Variants in XRCC2 observed in about 807,000 individuals in gnomAD.
XRCC2 encodes DNA repair protein XRCC2.
A neutral mutation model predicts 27.3 loss-of-function variants in XRCC2; 24 were observed. That is an observed-to-expected ratio of 0.88 (90% CI 0.64 to 1.24). The LOEUF (loss-of-function observed/expected upper bound fraction) is 1.24, where lower values mean the gene tolerates loss of function less well. Among genes scored for constraint, XRCC2 ranks in the 50% most tolerant of loss-of-function variants. The probability of loss-of-function intolerance (pLI) is 0.00; values close to 1 mark genes in which losing one functional copy is unlikely to be tolerated. For missense variants in XRCC2, 321 were observed against 325.8 expected, an observed-to-expected ratio of 0.99 and a Z score of 0.11; for synonymous variants, 106 against 115.4, an observed-to-expected ratio of 0.92 and a Z score of 0.52.
At chr7:152,667,437 A>G (rs1327176078) in intron 1 of XRCC2, among the ~76,000 whole-genome samples, 2 of 146,930 alleles carry the variant, frequency 1.4e-5, no homozygotes, top group East Asian at 2.0e-4. Flanking sequence ...GAAAAAAAGT[A>G]TTATAATTTT....
At chr7:152,668,347 G>A (rs1363352698) in intron 1 of XRCC2, among the ~76,000 whole-genome samples, 2 of 152,080 alleles carry the variant, frequency 1.3e-5, no homozygotes, top group Admixed American at 1.3e-4. Context: ...ACTATCTGTG[G>A]TTTCAGCATC....
At chr7:152,650,854 C>G (rs2098028212) in intron 2 of XRCC2, among the ~76,000 whole-genome samples, 1 of 152,114 alleles carries the variant, frequency 6.6e-6, no homozygotes, top group Non-Finnish European at 1.5e-5. Context: ...CCATTGGACT[C>G]CAGCCTGGGC....
Position 152,647,024 on chromosome 7 carries a change from C to A in XRCC2, c.*1618G>T, listed in dbSNP as rs1177373343. The A allele has an allele frequency of 2.0e-5, 3 of 152,160 alleles. No individual in the cohort carries two copies. Among genetic ancestry groups the A allele is most frequent in the Non-Finnish European group, 4.4e-5 (3 of 68,030 alleles). 9.4% of individuals were successfully genotyped at this position (152,160 alleles called of 1,614,324 possible). On this transcript the variant is annotated 3_prime_UTR_variant, in exon 3 of 3. Transcript: ENST00000359321. ...CTAATTTAATTTACATTTCCACCAA[C>A]AGTGTATAAGCATATCTTTTTCTCC...
intron 2 of XRCC2, 33 bp from the exon 3 acceptor site, chr7:152,649,396 C>CAGT: frequency 6.5e-7 from 1 of 1,527,670 alleles, no homozygotes; most frequent in East Asian, 2.3e-5. Flanking sequence ...AGTCAAAATG[C>CAGT]AGTAGCTCAA....
intron 1 of XRCC2, among the ~76,000 whole-genome samples, chr7:152,665,393 C>A (rs1334350558): frequency 1.3e-5 from 2 of 150,408 alleles, no homozygotes; most frequent in Admixed American, 6.6e-5. Flanking sequence ...CTCTGGAAAA[C>A]TGTGCCTAAC....
At chr7:152,675,667 T>C (rs960432040) in intron 1 of XRCC2, among the ~76,000 whole-genome samples, 1 of 152,224 alleles carries the variant, frequency 6.6e-6, no homozygotes, top group Non-Finnish European at 1.5e-5. Context: ...CTTTTCTAGC[T>C]TTTCTTGCAT....
chr7:152,674,545 G>A (rs1293502975), intron 1 of XRCC2, among the ~76,000 whole-genome samples: 2 of 151,272 alleles, frequency 1.3e-5, no homozygotes, highest in African/African-American at 4.9e-5. Context: ...CCGGGAGGCG[G>A]AAGTTGCAGT....
chr7:152,660,882 CT>C, intron 1 of XRCC2, 100 bp from the exon 2 acceptor site: 2 of 1,065,746 alleles, frequency 1.9e-6, no homozygotes, highest in Non-Finnish European at 2.7e-6. Flanking sequence ...GATTTCATAA[CT>C]TTAGGCTGGG....
In XRCC2 at chr7:152,660,703, T is replaced by G. The variant is rs777753452; in HGVS notation, c.119A>C (p.His40Pro). The change falls in exon 2 of 3, where the codon CAT becomes CCT. Residue 40 changes from histidine (H) to proline (P), a missense_variant and splice_region_variant. Coordinates refer to ENST00000359321, the MANE Select transcript of XRCC2 (RefSeq NM_005431.2). ...NLFADEDSPV[H>P]GDILEFHGPE... The stretch of plus-strand genomic sequence containing the variant: ...TATATAAAGGTTGTATTTTTTACCA[T>G]GCACAGGTGAATCTTCATCAGCAAA... 3 of 1,609,162 alleles carry G rather than the reference T, an allele frequency of 1.9e-6. No homozygotes were observed. The highest frequency in any genetic ancestry group is 2.5e-6 in the Non-Finnish European group (3 of 1,178,634).
chr7:152,669,253 C>G (rs530090823), intron 1 of XRCC2, among the ~76,000 whole-genome samples: 1 of 152,188 alleles, frequency 6.6e-6, no homozygotes, highest in East Asian at 1.9e-4. Context: ...GGAGGAAAGC[C>G]ATCTGAGGTC....
At chr7:152,670,347 T>C (rs2098037661) in intron 1 of XRCC2, among the ~76,000 whole-genome samples, 1 of 152,224 alleles carries the variant, frequency 6.6e-6, no homozygotes, top group Admixed American at 6.5e-5. Context: ...CAATGCTTTA[T>C]GCTTGGCAGA....
intron 1 of XRCC2, among the ~76,000 whole-genome samples, chr7:152,671,012 C>T (rs1446624487): frequency 2.6e-5 from 4 of 152,194 alleles, no homozygotes; most frequent in Non-Finnish European, 2.9e-5. Flanking sequence ...GTCAGGAGTT[C>T]GAGACCAGCC....
At chr7:152,663,346 TAAAAAAAAAAAAA>T (rs530664762) in intron 1 of XRCC2, among the ~76,000 whole-genome samples, 24,133 of 81,284 alleles carry the variant, frequency 0.3, 2,929 homozygotes, top group South Asian at 0.43. Context: ...GTCTTTGAAG[TAAAAAAAAAAAAA>T]AAAAAAAAAA....
In XRCC2 at chr7:152,646,590, C is replaced by G. The variant is rs2098026023; in HGVS notation, c.*2052G>C. 1 of 152,322 alleles carries G rather than the reference C, an allele frequency of 6.6e-6. No homozygotes were observed. Among genetic ancestry groups the G allele is most frequent in the South Asian group, 2.1e-4 (1 of 4,828 alleles). 9.4% of individuals were successfully genotyped at this position (152,322 alleles called of 1,614,324 possible). ...CTCCTGGGTTCCAGCAATTCTCCTGCCTCGGCCTCCTGAGTAGCTGGCACT... is the reference window on the plus strand; with the variant it reads ...CTCCTGGGTTCCAGCAATTCTCCTGGCTCGGCCTCCTGAGTAGCTGGCACT... On this transcript the variant is annotated 3_prime_UTR_variant, in exon 3 of 3. Coordinates refer to ENST00000359321, the MANE Select transcript of XRCC2 (RefSeq NM_005431.2).
intron 2 of XRCC2, among the ~76,000 whole-genome samples, chr7:152,651,907 T>A (rs1410827588): frequency 2.0e-5 from 3 of 151,862 alleles, no homozygotes; most frequent in African/African-American, 7.3e-5. Context: ...GTGGCTCACA[T>A]CTGTAATCCA....
chr7:152,651,994 T>C (rs1014692219), intron 2 of XRCC2, among the ~76,000 whole-genome samples: 12 of 151,518 alleles, frequency 7.9e-5, no homozygotes, highest in African/African-American at 2.7e-4. Context: ...AGGGAGACCC[T>C]GCCTTTACAA....
In XRCC2 at chr7:152,646,471, A is replaced by T. The variant is rs1221696341; in HGVS notation, c.*2171T>A. The T allele has an allele frequency of 2.0e-5, 3 of 152,078 alleles. No individual in the cohort carries two copies. The highest frequency in any genetic ancestry group is 1.3e-4 in the Admixed American group (2 of 15,258). The allele number at this position is 152,078 out of a possible 1,614,324, so 9.4% of individuals were successfully genotyped here. A position where few individuals can be genotyped will look rare whatever the true frequency, so the allele number is the denominator to read the frequency against. On this transcript the variant is annotated 3_prime_UTR_variant, in exon 3 of 3. Coordinates refer to ENST00000359321, the MANE Select transcript of XRCC2 (RefSeq NM_005431.2). Reference sequence around the variant, plus strand: ...CATCCATGTCCCTGGCAAAGGTATGATCTTGTTCCTTATATTTTATTTTTT... The same window carrying T: ...CATCCATGTCCCTGGCAAAGGTATGTTCTTGTTCCTTATATTTTATTTTTT...
At chr7:152,663,281 C>T (rs1439541455) in intron 1 of XRCC2, among the ~76,000 whole-genome samples, 7 of 142,346 alleles carry the variant, frequency 4.9e-5, no homozygotes, top group Non-Finnish European at 9.0e-5. Flanking sequence ...TATTAGCACA[C>T]ATCGCCAAGC....
chr7:152,674,617 A>AT (rs1253111560), intron 1 of XRCC2, among the ~76,000 whole-genome samples: 1 of 146,612 alleles, frequency 6.8e-6, no homozygotes, highest in Non-Finnish European at 1.5e-5. Flanking sequence ...ATCTCAAAAA[A>AT]ATATATATTT....
Sources: allele counts gnomAD v4.1 joint callset (sites outside exome capture counted in the v4.1 genomes callset), GRCh38; gene constraint gnomAD v4.1.1; transcripts MANE v1.5; gene names NCBI Gene and HGNC (gene_info 2026-07-23, HGNC 2026-07-21).